The following HACD2 variants were observed in gnomAD, a reference collection of about 807,000 sequenced individuals.
The protein encoded by HACD2 is 3-hydroxyacyl-CoA dehydratase 2.
In HACD2, 15 loss-of-function variants were observed where a neutral mutation model predicts 31.0. The observed-to-expected ratio is 0.48, with a 90% CI of 0.32 to 0.75. The LOEUF (loss-of-function observed/expected upper bound fraction) is 0.75, where lower values mean the gene tolerates loss of function less well. Ranked by LOEUF, HACD2 falls within the 30% of genes least tolerant of loss-of-function variation. The pLI is 0.03. For missense variants in HACD2, 283 were observed against 313.0 expected, an observed-to-expected ratio of 0.90 and a Z score of 0.72; for synonymous variants, 115 against 122.2, an observed-to-expected ratio of 0.94 and a Z score of 0.39.
intron 5 of HACD2, among the ~76,000 whole-genome samples, chr3:123,502,101 T>C (rs2055909285): frequency 6.6e-6 from 1 of 152,204 alleles, no homozygotes; most frequent in Non-Finnish European, 1.5e-5. Flanking sequence ...AAAACTGACA[T>C]GTAATGTTTG....
intron 2 of HACD2, among the ~76,000 whole-genome samples, chr3:123,568,152 C>T (rs16834434): frequency 0.027 from 4,137 of 152,322 alleles, 69 homozygotes; most frequent in Middle Eastern, 0.088. Flanking sequence ...CCACGGACTC[C>T]GGAACACGGG....
intron 3 of HACD2, among the ~76,000 whole-genome samples, chr3:123,533,940 A>G (rs191327282): frequency 6.6e-5 from 10 of 152,362 alleles, no homozygotes; most frequent in Admixed American, 2.0e-4. Context: ...AGGCAAGGTT[A>G]TAACTTGAGA....
At chr3:123,537,292 T>C (rs1180727828) in intron 3 of HACD2, among the ~76,000 whole-genome samples, 2 of 152,170 alleles carry the variant, frequency 1.3e-5, no homozygotes, top group African/African-American at 4.8e-5. Context: ...TTTTAGCAAA[T>C]AGTGTTGCCA....
intron 3 of HACD2, among the ~76,000 whole-genome samples, chr3:123,549,386 ACAGTG>A: frequency 6.6e-6 from 1 of 152,164 alleles, no homozygotes; most frequent in African/African-American, 2.4e-5. Flanking sequence ...TCTCAAGGCT[ACAGTG>A]TGATAACTGC....
intron 2 of HACD2, among the ~76,000 whole-genome samples, chr3:123,570,228 C>T (rs184582467): frequency 6.6e-6 from 1 of 152,106 alleles, no homozygotes; most frequent in East Asian, 1.9e-4. Context: ...CCTACCTACA[C>T]AAAATTTTCA....
intron 4 of HACD2, among the ~76,000 whole-genome samples, chr3:123,510,914 C>T (rs1471610520): frequency 6.7e-6 from 1 of 149,172 alleles, no homozygotes; most frequent in African/African-American, 2.5e-5. Context: ...TCCAATTTCT[C>T]CACTGCTCAT....
At chr3:123,562,548 AATAAT>A (rs2056744916) in intron 3 of HACD2, among the ~76,000 whole-genome samples, 2 of 152,240 alleles carry the variant, frequency 1.3e-5, no homozygotes, top group Non-Finnish European at 2.9e-5. Flanking sequence ...TTGCTTAAGT[AATAAT>A]AAGAGCTACC....
chr3:123,532,166 C>G (rs375791712), intron 3 of HACD2, among the ~76,000 whole-genome samples: 4 of 152,218 alleles, frequency 2.6e-5, no homozygotes, highest in African/African-American at 9.6e-5. Context: ...CTGATCAATA[C>G]TTTCTAATTG....
chr3:123,540,658 T>G (rs1242532305), intron 3 of HACD2, among the ~76,000 whole-genome samples: 2 of 152,218 alleles, frequency 1.3e-5, no homozygotes, highest in East Asian at 3.9e-4. Flanking sequence ...TTATTTTTAT[T>G]GTTTATGGAA....
intron 3 of HACD2, among the ~76,000 whole-genome samples, chr3:123,543,239 G>A (rs541314705): frequency 2.6e-5 from 4 of 152,222 alleles, no homozygotes; most frequent in East Asian, 1.9e-4. Flanking sequence ...CAATTTGACC[G>A]TCAACGGATG....
chr3:123,555,454 T>A (rs1192194986), intron 3 of HACD2, among the ~76,000 whole-genome samples: 4 of 151,916 alleles, frequency 2.6e-5, no homozygotes, highest in African/African-American at 9.7e-5. Context: ...GTACCAGCAA[T>A]GAACCACCAA....
At chr3:123,547,513 G>A (rs1376702942) in intron 3 of HACD2, among the ~76,000 whole-genome samples, 1 of 152,132 alleles carries the variant, frequency 6.6e-6, no homozygotes, top group East Asian at 1.9e-4. Context: ...AAGTTTAGGA[G>A]GAAGCCCTTT....
At chr3:123,559,678 T>C (rs765330018) in intron 3 of HACD2, among the ~76,000 whole-genome samples, 2 of 152,206 alleles carry the variant, frequency 1.3e-5, no homozygotes. Flanking sequence ...AGCCAGCTAA[T>C]ACTATCTCAT....
At chr3:123,554,948 T>A (rs1319208399) in intron 3 of HACD2, among the ~76,000 whole-genome samples, 3 of 152,208 alleles carry the variant, frequency 2.0e-5, no homozygotes. Flanking sequence ...CAACTTTTGC[T>A]AAAGCAATTG....
intron 3 of HACD2, among the ~76,000 whole-genome samples, chr3:123,537,165 A>G (rs1188563297): frequency 6.6e-6 from 1 of 152,266 alleles, no homozygotes; most frequent in Non-Finnish European, 1.5e-5. Context: ...TAATTTCCTT[A>G]ACAGAATTAA....
At chr3:123,564,652 G>A (rs2056772087) in intron 3 of HACD2, among the ~76,000 whole-genome samples, 1 of 152,172 alleles carries the variant, frequency 6.6e-6, no homozygotes, top group Admixed American at 6.5e-5. Context: ...TGGGCATGAG[G>A]AAGTAGAAAG....
At chr3:123,549,578 T>A (rs772218696) in intron 3 of HACD2, among the ~76,000 whole-genome samples, 2 of 152,026 alleles carry the variant, frequency 1.3e-5, no homozygotes, top group Non-Finnish European at 2.9e-5. Context: ...CGAAACCCCG[T>A]CTCTACCAAA....
rs535059194 is a variant in HACD2, at chr3:123,491,990, G to A, written c.*2898C>T. The A allele has an allele frequency of 1.3e-5, 2 of 152,274 alleles. No homozygotes were observed. Among genetic ancestry groups the A allele is most frequent in the African/African-American group, 2.4e-5 (1 of 41,558 alleles). The allele number at this position is 152,274 out of a possible 1,614,324, so 9.4% of individuals were successfully genotyped here. On this transcript the variant is annotated 3_prime_UTR_variant, in exon 7 of 7. Transcript: ENST00000383657. ...AAAAATAAGTGAAAAATGAGGGCAC[G>A]ATCTCTTCTTACACCTCTTCAACTC...
intron 3 of HACD2, among the ~76,000 whole-genome samples, chr3:123,533,664 A>G (rs2056392070): frequency 6.6e-6 from 1 of 152,246 alleles, no homozygotes; most frequent in African/African-American, 2.4e-5. Flanking sequence ...AAAAAGATGT[A>G]CCAGACATCT....
Sources: gnomAD v4.1 joint callset for allele counts (sites outside exome capture counted in the v4.1 genomes callset) on GRCh38, gnomAD v4.1.1 for gene constraint, MANE v1.5 for transcripts, NCBI Gene and HGNC (gene_info 2026-07-23, HGNC 2026-07-21) for gene names.